The following SEC24B variants were observed in gnomAD, a reference collection of about 807,000 sequenced individuals.
SEC24B encodes the protein protein transport protein Sec24B.
Under a neutral mutation model 142.8 loss-of-function variants are expected in SEC24B, and 45 were observed. That is an observed-to-expected ratio of 0.32 (90% CI 0.25 to 0.40). SEC24B has a LOEUF of 0.40. Among genes scored for constraint, SEC24B ranks in the 10% least tolerant of loss-of-function variants. SEC24B has a pLI of 1.00. For synonymous variants in SEC24B, 574 were observed against 568.2 expected, an observed-to-expected ratio of 1.01 and a Z score of -0.15; for missense variants, 1,409 against 1,526.8, an observed-to-expected ratio of 0.92 and a Z score of 1.29.
At chr4:109,501,295 G>C (rs146353921) in intron 6 of SEC24B, among the ~76,000 whole-genome samples, 2 of 152,114 alleles carry the variant, frequency 1.3e-5, no homozygotes, top group Non-Finnish European at 2.9e-5. Context: ...TGTGTAGTAG[G>C]CTATACCATC....
intron 4 of SEC24B, among the ~76,000 whole-genome samples, chr4:109,483,044 G>GTATTTATGTATTTATATATATGTATT (rs1561117516): frequency 8.8e-5 from 9 of 102,844 alleles, no homozygotes; most frequent in African/African-American, 3.0e-4. Flanking sequence ...TTATATATAT[G>GTATTTATGTATTTATATATATGTATT]TATTTATGTA....
chr4:109,530,301 C>A lies in SEC24B; in HGVS notation c.3089C>A (p.Ser1030Tyr). The change falls in exon 19 of 24, where the codon TCC becomes TAC. Residue 1030 changes from serine (S) to tyrosine (Y), a missense_variant. This residue lies in a region of SEC24B where 700 missense variants were observed against 853.3 expected (regional missense o/e 0.82). Coordinates refer to ENST00000265175, the MANE Select transcript of SEC24B (RefSeq NM_006323.5). ...CLLANMAVDRSVSSSLSDARD... is the reference protein window; with the variant it reads ...CLLANMAVDRYVSSSLSDARD... ...GGTTGCTTTTTAGCTGTGGATCGGT[C>A]CGTTTCATCAAGTCTGTCAGATGCA... The A allele has an allele frequency of 6.2e-7, 1 of 1,612,394 alleles. No individual in the cohort carries two copies. Among genetic ancestry groups the A allele is most frequent in the South Asian group, 1.1e-5 (1 of 90,858 alleles).
intron 3 of SEC24B, among the ~76,000 whole-genome samples, chr4:109,475,990 C>CTT (rs35172512): frequency 2.1e-4 from 28 of 134,682 alleles, no homozygotes; most frequent in Non-Finnish European, 3.0e-4. Flanking sequence ...TTCTCTCTCT[C>CTT]TTTTTTTTTT....
At chr4:109,450,616 C>A (rs977244866) in intron 1 of SEC24B, among the ~76,000 whole-genome samples, 1 of 149,738 alleles carries the variant, frequency 6.7e-6, no homozygotes, top group Admixed American at 6.6e-5. Context: ...CAAGATCACG[C>A]CACTGCACTC....
chr4:109,453,454 CCCCCCG>C (rs1389024746), intron 1 of SEC24B, among the ~76,000 whole-genome samples: 30 of 121,584 alleles, frequency 2.5e-4, no homozygotes, highest in African/African-American at 8.0e-4. Flanking sequence ...CCCCCCCCCC[CCCCCCG>C]AATGGCTGTT....
chr4:109,449,805 A>G (rs993137450), intron 1 of SEC24B, among the ~76,000 whole-genome samples: 2 of 152,172 alleles, frequency 1.3e-5, no homozygotes, highest in South Asian at 2.1e-4. Flanking sequence ...TTGGAGGGAC[A>G]TAAACATTGA....
chr4:109,513,955 A>G lies in SEC24B; in HGVS notation c.2013+99A>G, dbSNP rs1389683283. ...TCTTATCGAGATTTTGAAGTTGTTT[A>G]TACTCATAATTTTTAAAAACAAATT... On this transcript the variant is annotated intron_variant, in intron 10 of 23. Transcript: ENST00000265175. The G allele has an allele frequency of 6.2e-5, 45 of 730,518 alleles. 1 individual carries two copies. The Admixed American group carries it at 1.0e-3, about 17-fold the overall frequency. The allele number at this position is 730,518 out of a possible 1,614,324, so 45.3% of individuals were successfully genotyped here.
chr4:109,487,889 A>G (rs897865948), intron 4 of SEC24B, among the ~76,000 whole-genome samples: 3 of 152,226 alleles, frequency 2.0e-5, no homozygotes, highest in Non-Finnish European at 2.9e-5. Context: ...TAAAACTTAT[A>G]GCCTTATTAA....
At chr4:109,459,043 CAA>C (rs1479546048) in intron 1 of SEC24B, among the ~76,000 whole-genome samples, 6 of 152,130 alleles carry the variant, frequency 3.9e-5, no homozygotes, top group African/African-American at 1.2e-4. Flanking sequence ...ATAATTACTA[CAA>C]GAGTTTTTTA....
At chr4:109,535,336 G>A (rs934993967) in intron 22 of SEC24B, among the ~76,000 whole-genome samples, 3 of 152,070 alleles carry the variant, frequency 2.0e-5, no homozygotes, top group African/African-American at 4.8e-5. Context: ...GGTGTATCAC[G>A]AGGTCAAGAG....
At chr4:109,528,841 G>A (rs989670636) in intron 18 of SEC24B, among the ~76,000 whole-genome samples, 6 of 152,122 alleles carry the variant, frequency 3.9e-5, no homozygotes, top group African/African-American at 7.2e-5. Flanking sequence ...AGCATTTACC[G>A]AAGGATCCAA....
chr4:109,445,000 T>G (rs1323445331), intron 1 of SEC24B, among the ~76,000 whole-genome samples: 5 of 152,046 alleles, frequency 3.3e-5, no homozygotes, highest in African/African-American at 4.8e-5. Flanking sequence ...CACTGCTCAC[T>G]GCAACCTCGA....
At chr4:109,525,286 G>A in intron 15 of SEC24B, 60 bp from the exon 16 acceptor site, 1 of 1,389,332 alleles carries the variant, frequency 7.2e-7, no homozygotes, top group Non-Finnish European at 9.7e-7. Context: ...CTGTACTACT[G>A]TTGGACAAGT....
At chr4:109,447,474 A>AAC (rs1413606484) in intron 1 of SEC24B, among the ~76,000 whole-genome samples, 2 of 152,202 alleles carry the variant, frequency 1.3e-5, no homozygotes, top group Non-Finnish European at 2.9e-5. Context: ...TCAAGCATAC[A>AAC]ATCTTAGTTG....
At chr4:109,450,385 C>A (rs116697973) in intron 1 of SEC24B, among the ~76,000 whole-genome samples, 1 of 152,008 alleles carries the variant, frequency 6.6e-6, no homozygotes, top group South Asian at 2.1e-4. Context: ...CACAGCCAGG[C>A]GCGGTGGCTC....
chr4:109,465,624 G>A (rs1731780857), intron 2 of SEC24B, among the ~76,000 whole-genome samples: 1 of 152,092 alleles, frequency 6.6e-6, no homozygotes, highest in Admixed American at 6.6e-5. Context: ...TGACTTTCAT[G>A]ACAAAGGAAA....
intron 22 of SEC24B, among the ~76,000 whole-genome samples, chr4:109,536,422 A>G (rs901937504): frequency 6.6e-6 from 1 of 152,220 alleles, no homozygotes; most frequent in African/African-American, 2.4e-5. Flanking sequence ...ACAAGACTGG[A>G]TATTTACCTT....
In SEC24B at chr4:109,525,349, G is replaced by T; in HGVS notation, c.2636G>T (p.Cys879Phe). The change falls in exon 16 of 24, where the codon TGC becomes TTC. Residue 879 changes from cysteine (C) to phenylalanine (F), a missense_variant. By Grantham distance (205) the Cys-to-Phe change is radical. Coordinates refer to ENST00000265175, the MANE Select transcript of SEC24B (RefSeq NM_006323.5). ...CTTTTTGTATTTCTCTCTAAAGCTT[G>T]CATGTCCAAGTATTCTGCAGGGTGC... Reference protein sequence around the residue: ...SQYSDLASLACMSKYSAGCIY... With the variant: ...SQYSDLASLAFMSKYSAGCIY... The T allele has an allele frequency of 1.9e-6, 3 of 1,583,696 alleles. No homozygotes were observed. Among genetic ancestry groups the T allele is most frequent in the Non-Finnish European group, 2.6e-6 (3 of 1,167,840 alleles).
At chr4:109,455,255 C>CTT (rs1445581204) in intron 1 of SEC24B, among the ~76,000 whole-genome samples, 5 of 145,664 alleles carry the variant, frequency 3.4e-5, no homozygotes, top group African/African-American at 1.3e-4. Context: ...ATTTAGGATT[C>CTT]TTTTTTTTTT....
Sources: allele counts gnomAD v4.1 joint callset (sites outside exome capture counted in the v4.1 genomes callset), GRCh38; gene constraint gnomAD v4.1.1; regional missense constraint gnomAD v4.1.1; transcripts MANE v1.5; gene names NCBI Gene and HGNC (gene_info 2026-07-23, HGNC 2026-07-21).